The following C10orf90 variants were observed in gnomAD, a reference collection of about 807,000 sequenced individuals.
The protein encoded by C10orf90 is chromosome 10 open reading frame 90.
C10orf90 carries 56 observed loss-of-function variants against 62.5 expected under a neutral mutation model. That is an observed-to-expected ratio of 0.90 (90% CI 0.72 to 1.12). The LOEUF (loss-of-function observed/expected upper bound fraction) is 1.12. Among genes scored for constraint, C10orf90 ranks in the 50% most tolerant of loss-of-function variants. The pLI is 0.00. For missense variants in C10orf90, 970 were observed against 880.4 expected (o/e 1.10, Z -1.29); for synonymous variants, 386 against 340.4 (o/e 1.13, Z -1.47).
At chr10:126,579,061 A>AG (rs1218577918) in intron 2 of C10orf90, among the ~76,000 whole-genome samples, 14 of 149,882 alleles carry the variant, frequency 9.3e-5, no homozygotes, top group African/African-American at 3.5e-4. Context: ...TTCAATTAAA[A>AG]GTTTTTTTTT....
intron 4 of C10orf90, among the ~76,000 whole-genome samples, chr10:126,466,129 C>A (rs1237197526): frequency 6.6e-6 from 1 of 152,036 alleles, no homozygotes; most frequent in Non-Finnish European, 1.5e-5. Context: ...ATGTTTTCAA[C>A]CCCCCATGCT....
intron 7 of C10orf90, among the ~76,000 whole-genome samples, chr10:126,446,092 A>G (rs537467187): frequency 1.3e-5 from 2 of 152,160 alleles, no homozygotes; most frequent in African/African-American, 4.8e-5. Context: ...AAAATCTCAC[A>G]AATCACCGCT....
chr10:126,546,491 T>A (rs561556237), intron 2 of C10orf90, among the ~76,000 whole-genome samples: 1 of 152,194 alleles, frequency 6.6e-6, no homozygotes, highest in East Asian at 1.9e-4. Context: ...GATTTTGGAC[T>A]CTTACCACCC....
At chr10:126,587,047 A>T (rs937236503) in intron 2 of C10orf90, among the ~76,000 whole-genome samples, 2 of 152,128 alleles carry the variant, frequency 1.3e-5, no homozygotes, top group East Asian at 3.9e-4. Flanking sequence ...CGCCATTGTA[A>T]TAGCTGAAGA....
chr10:126,523,609 A>G (rs1432306112), intron 2 of C10orf90: 1 of 152,092 alleles, frequency 6.6e-6, no homozygotes, highest in Non-Finnish European at 1.5e-5. Context: ...TACCATGTTC[A>G]TCATTTCTAA....
chr10:126,606,502 C>A (rs947058075), intron 2 of C10orf90, among the ~76,000 whole-genome samples: 1 of 152,064 alleles, frequency 6.6e-6, no homozygotes, highest in African/African-American at 2.4e-5. Flanking sequence ...CGAAGTTATC[C>A]GGTGTGGGCT....
intron 3 of C10orf90, among the ~76,000 whole-genome samples, chr10:126,507,576 G>A (rs952739539): frequency 1.3e-4 from 19 of 151,174 alleles, no homozygotes; most frequent in South Asian, 8.4e-4. Context: ...TTAGCCCAGC[G>A]GCTACCTCAC....
chr10:126,529,668 G>A (rs1405071580), intron 2 of C10orf90, among the ~76,000 whole-genome samples: 1 of 152,080 alleles, frequency 6.6e-6, no homozygotes, highest in African/African-American at 2.4e-5. Flanking sequence ...ATGACAATAA[G>A]AGACCATTCC....
chr10:126,560,201 C>T lies in C10orf90; in HGVS notation c.314-46262G>A, dbSNP rs74158832. Among the ~76,000 whole-genome samples, 840 of 152,254 alleles carry T rather than the reference C, an allele frequency of 5.5e-3. 13 individuals carry two copies. The highest frequency in any genetic ancestry group is 0.019 in the African/African-American group (810 of 41,542). ...ATTACTTTCAGAAGGAAATAATCCCCGCAACCTCAGTGATTTGTAAGTGGG... is the reference window on the plus strand; with the variant it reads ...ATTACTTTCAGAAGGAAATAATCCCTGCAACCTCAGTGATTTGTAAGTGGG... On this transcript the variant is annotated intron_variant, in intron 2 of 9. Coordinates refer to ENST00000488181, the MANE Select transcript of C10orf90 (RefSeq NM_001350921.2).
intron 4 of C10orf90, among the ~76,000 whole-genome samples, chr10:126,467,196 A>T (rs1325660399): frequency 6.6e-6 from 1 of 152,242 alleles, no homozygotes; most frequent in Non-Finnish European, 1.5e-5. Context: ...TGTGTAAGTC[A>T]GATGTTCAGG....
At chr10:126,488,901 C>G (rs1861572395) in intron 4 of C10orf90, among the ~76,000 whole-genome samples, 1 of 152,060 alleles carries the variant, frequency 6.6e-6, no homozygotes, top group South Asian at 2.1e-4. Flanking sequence ...TAAAACCTTT[C>G]CCACAGAGAA....
intron 2 of C10orf90, among the ~76,000 whole-genome samples, chr10:126,548,795 T>G (rs965264067): frequency 3.1e-4 from 45 of 146,860 alleles, no homozygotes; most frequent in African/African-American, 1.1e-3. Context: ...CAGGCTGGAG[T>G]GCTGTGTGGT....
chr10:126,458,820 AG>A (rs1348709819), intron 7 of C10orf90, among the ~76,000 whole-genome samples: 1 of 152,184 alleles, frequency 6.6e-6, no homozygotes, highest in Non-Finnish European at 1.5e-5. Flanking sequence ...TGGTGTCCCA[AG>A]TTGTTTCTGC....
chr10:126,630,200 C>T (rs1286404716), intron 2 of C10orf90, among the ~76,000 whole-genome samples: 22 of 152,096 alleles, frequency 1.4e-4, no homozygotes, highest in Admixed American at 1.4e-3. Flanking sequence ...ATCTTAAATC[C>T]CTGATGCCCT....
chr10:126,619,528 T>C (rs982399206), intron 2 of C10orf90, among the ~76,000 whole-genome samples: 6 of 152,276 alleles, frequency 3.9e-5, no homozygotes, highest in African/African-American at 1.4e-4. Context: ...CCTTCATGAT[T>C]AATGATCTTG....
In C10orf90 at chr10:126,426,010, C is replaced by T. The variant is rs370672577; in HGVS notation, c.2333G>A (p.Arg778His). The T allele has an allele frequency of 3.5e-5, 56 of 1,614,086 alleles. No individual in the cohort carries two copies. The Admixed American group carries it at 4.3e-4, about 12-fold the overall frequency. Residue 778 changes from arginine (R) to histidine (H), a missense_variant, in exon 9 of 10, where the codon CGT becomes CAT. Arg to His is a conservative substitution (Grantham distance 29, BLOSUM62 0). Transcript: ENST00000488181. ...KRVILQSNRL[R>H]AEVFKKQLLD... is the part of the protein sequence containing the mutation. ...CATTACCTTTTTGAAGACTTCGGCA[C>T]GGAGTCTGTTACTTTGTAAGATCAC...
At chr10:126,458,960 C>T (rs968262586) in intron 7 of C10orf90, 80 bp downstream of exon 7, 15 of 1,438,006 alleles carry the variant, frequency 1.0e-5, no homozygotes, top group Non-Finnish European at 1.4e-5. Flanking sequence ...TTGGAGCCAT[C>T]ACCCCTGAGT....
At chr10:126,487,142 C>CAAAAAAAAAAAAAAAAAAAAAAAAA (rs1158481155) in intron 4 of C10orf90, among the ~76,000 whole-genome samples, 3 of 29,458 alleles carry the variant, frequency 1.0e-4, no homozygotes, top group Non-Finnish European at 1.8e-4. Flanking sequence ...AAAACTCTGT[C>CAAAAAAAAAAAAAAAAAAAAAAAAA]AAAAAAAAAA....
At chr10:126,512,208 CAG>C (rs1440172970) in intron 3 of C10orf90, 1 of 151,546 alleles carries the variant, frequency 6.6e-6, no homozygotes, top group Non-Finnish European at 1.5e-5. Context: ...GTATAATTTC[CAG>C]AGTTATTGAA....
Sources: gnomAD v4.1 joint callset for allele counts (sites outside exome capture counted in the v4.1 genomes callset) on GRCh38, gnomAD v4.1.1 for gene constraint, MANE v1.5 for transcripts, NCBI Gene and HGNC (gene_info 2026-07-23, HGNC 2026-07-21) for gene names.